The following DISC1 variants were observed in gnomAD, a reference collection of about 807,000 sequenced individuals.
The protein encoded by DISC1 is disrupted in schizophrenia 1 protein.
In DISC1, 57 loss-of-function variants were observed where a neutral mutation model predicts 84.5. That is an observed-to-expected ratio of 0.67 (90% confidence interval 0.55 to 0.84). The LOEUF (loss-of-function observed/expected upper bound fraction) is 0.84. DISC1 is among the 40% of genes least tolerant of loss of function. DISC1 has a pLI of 0.00. For missense variants in DISC1, 1,000 were observed against 1,057.8 expected (o/e 0.95, Z 0.76); for synonymous variants, 411 against 415.2 (o/e 0.99, Z 0.12).
At chr1:231,807,931 C>T (rs532661666) in intron 8 of DISC1, among the ~76,000 whole-genome samples, 1 of 152,330 alleles carries the variant, frequency 6.6e-6, no homozygotes, top group Non-Finnish European at 1.5e-5. Flanking sequence ...AGAGGCAGCC[C>T]TGCATTTAAT....
At chr1:231,769,512 A>G (rs2076399784) in intron 5 of DISC1, among the ~76,000 whole-genome samples, 1 of 152,240 alleles carries the variant, frequency 6.6e-6, no homozygotes, top group Non-Finnish European at 1.5e-5. Flanking sequence ...CTGGTTGCAA[A>G]AGGATAAATG....
At chr1:231,858,110 C>A (rs962439338) in intron 9 of DISC1, among the ~76,000 whole-genome samples, 4 of 152,134 alleles carry the variant, frequency 2.6e-5, no homozygotes, top group Non-Finnish European at 4.4e-5. Flanking sequence ...AGTTGTTTCA[C>A]CAAAAAAGCA....
At chr1:231,759,583 G>C (rs1190556825) in intron 4 of DISC1, among the ~76,000 whole-genome samples, 1 of 147,066 alleles carries the variant, frequency 6.8e-6, no homozygotes, top group Non-Finnish European at 1.5e-5. Context: ...GTGCGTACCT[G>C]TAGTCCTATC....
At position 231,654,927 on chromosome 1, in the gene DISC1, C is replaced by T. The variant is rs181121149; in HGVS notation, c.67+27993C>T. Among the ~76,000 whole-genome samples the T allele has an allele frequency of 5.9e-5, 9 of 152,274 alleles. No homozygotes were observed. The East Asian group carries it at 1.7e-3, about 29-fold the overall frequency. On this transcript the variant is annotated intron_variant, in intron 1 of 12. Coordinates refer to ENST00000439617, the MANE Select transcript of DISC1 (RefSeq NM_018662.3). ...GGGAAGGCAAAATTCTTAATTAGCTCTTTGCTACAAGGCTGAATCTTTTAC... is the reference window on the plus strand; with the variant it reads ...GGGAAGGCAAAATTCTTAATTAGCTTTTTGCTACAAGGCTGAATCTTTTAC...
chr1:232,012,512 G>A (rs1234225166), intron 11 of DISC1, among the ~76,000 whole-genome samples: 1 of 152,200 alleles, frequency 6.6e-6, no homozygotes, highest in Admixed American at 6.5e-5. Context: ...TATTCGCTTT[G>A]CAGCTCTGGG....
chr1:231,831,852 G>C (rs1056352445), intron 9 of DISC1, among the ~76,000 whole-genome samples: 4 of 14,630 alleles, frequency 2.7e-4, no homozygotes, highest in Admixed American at 9.4e-4. Context: ...GAGGTAGTGG[G>C]GGGGGGTGGG....
At chr1:231,682,878 A>G (rs1488127742) in intron 1 of DISC1, among the ~76,000 whole-genome samples, 1 of 152,228 alleles carries the variant, frequency 6.6e-6, no homozygotes, top group Admixed American at 6.5e-5. Flanking sequence ...CCAGGATCCC[A>G]CACTGTATGT....
chr1:232,017,534 A>T (rs894090766), intron 11 of DISC1, among the ~76,000 whole-genome samples: 3 of 150,412 alleles, frequency 2.0e-5, no homozygotes, highest in Non-Finnish European at 4.4e-5. Context: ...TGCAGGAATT[A>T]AATATTTTTG....
At chr1:231,772,245 T>C (rs2076606484) in intron 6 of DISC1, among the ~76,000 whole-genome samples, 1 of 152,142 alleles carries the variant, frequency 6.6e-6, no homozygotes, top group African/African-American at 2.4e-5. Flanking sequence ...TTTTAGCCAT[T>C]GCACCCAATC....
At chr1:231,811,848 C>A (rs1461590727) in intron 8 of DISC1, among the ~76,000 whole-genome samples, 3 of 152,194 alleles carry the variant, frequency 2.0e-5, no homozygotes, top group African/African-American at 7.2e-5. Flanking sequence ...AACTCTGTGA[C>A]CTTCACAAGG....
At chr1:231,786,712 G>A (rs1044598247) in intron 6 of DISC1, among the ~76,000 whole-genome samples, 22 of 152,184 alleles carry the variant, frequency 1.4e-4, no homozygotes, top group African/African-American at 5.3e-4. Context: ...CCTTGCACCT[G>A]TCCCACACCA....
chr1:231,899,121 T>C (rs902403110), intron 9 of DISC1, among the ~76,000 whole-genome samples: 1 of 152,168 alleles, frequency 6.6e-6, no homozygotes, highest in Admixed American at 6.5e-5. Flanking sequence ...TACAGTCTGC[T>C]TGTCTCTCCT....
rs548410589 is a variant in DISC1 at position 231,833,448 on chromosome 1, A to G, written c.1981+14931A>G. On this transcript the variant is annotated intron_variant, in intron 9 of 12. Coordinates refer to ENST00000439617, the MANE Select transcript of DISC1 (RefSeq NM_018662.3). ...ATCCATGATGGTCTAGGGGGCTTCC[A>G]AGGCGATTTGGCAGTGTCAGTCTTC... Among the ~76,000 whole-genome samples, 22 of 151,866 alleles carry G rather than the reference A, an allele frequency of 1.4e-4. 1 individual carries two copies. The highest frequency in any genetic ancestry group is 2.2e-4 in the African/African-American group (9 of 41,140).
At chr1:231,952,090 C>CAAAAAAA (rs11392611) in intron 9 of DISC1, among the ~76,000 whole-genome samples, 22 of 54,218 alleles carry the variant, frequency 4.1e-4, no homozygotes, top group East Asian at 1.2e-3. Flanking sequence ...CTCAATGTCT[C>CAAAAAAA]AAAAAAAAAA....
chr1:231,923,307 C>CAAAAAAAAAAAAAAA (rs1461560372), intron 9 of DISC1, among the ~76,000 whole-genome samples: 6 of 138,546 alleles, frequency 4.3e-5, no homozygotes, highest in African/African-American at 1.1e-4. Context: ...CAAAAAAAAC[C>CAAAAAAAAAAAAAAA]AAAAAAAAAA....
intron 9 of DISC1, among the ~76,000 whole-genome samples, chr1:231,889,166 G>GC (rs1558695704): frequency 6.6e-6 from 1 of 152,176 alleles, no homozygotes; most frequent in Non-Finnish European, 1.5e-5. Context: ...TGAGTTGACA[G>GC]CAAGAACTGA....
At chr1:231,721,083 A>G (rs2069614731) in intron 3 of DISC1, 2 of 1,290,596 alleles carry the variant, frequency 1.5e-6, no homozygotes, top group Non-Finnish European at 2.0e-6. Flanking sequence ...GTCTGTCCTG[A>G]TGTGAGAAAT....
chr1:231,929,752 A>G (rs1008243106), intron 9 of DISC1, among the ~76,000 whole-genome samples: 2 of 152,244 alleles, frequency 1.3e-5, no homozygotes, highest in African/African-American at 4.8e-5. Flanking sequence ...ACAACCAGAT[A>G]GGAAGAAAGA....
At chr1:231,917,981 C>T (rs11122373) in intron 9 of DISC1, among the ~76,000 whole-genome samples, 23,862 of 152,174 alleles carry the variant, frequency 0.16, 2,814 homozygotes, top group East Asian at 0.7. Context: ...GGCTAAATGG[C>T]TTGTAGTTAC....
Sources: gnomAD v4.1 joint callset for allele counts (sites outside exome capture counted in the v4.1 genomes callset) on GRCh38, gnomAD v4.1.1 for gene constraint, MANE v1.5 for transcripts, NCBI Gene and HGNC (gene_info 2026-07-23, HGNC 2026-07-21) for gene names.